Variants in PREX1 observed in about 807,000 individuals in gnomAD.
PREX1 encodes phosphatidylinositol-3,4,5-trisphosphate dependent Rac exchange factor 1, also known as phosphatidylinositol 3,4,5-trisphosphate-dependent Rac exchanger 1 protein.
In PREX1, 41 loss-of-function variants were observed where a neutral mutation model predicts 198.3. The ratio of observed to expected loss-of-function variants is 0.21; its 90% confidence interval spans 0.16 to 0.27. The LOEUF (loss-of-function observed/expected upper bound fraction) is 0.27. Ranked by LOEUF, PREX1 falls within the 10% of genes least tolerant of loss-of-function variation. PREX1 has a pLI of 1.00. For synonymous variants in PREX1, 843 were observed against 887.2 expected, an observed-to-expected ratio of 0.95 and a Z score of 0.89; for missense variants, 1,620 against 2,200.7, an observed-to-expected ratio of 0.74 and a Z score of 5.28.
intron 32 of PREX1, 149 bp downstream of exon 32, chr20:48,636,314 A>G: frequency 1.2e-6 from 1 of 822,542 alleles, no homozygotes; most frequent in Non-Finnish European, 1.9e-6. Flanking sequence ...GTGCCTATAA[A>G]ACAGCACACA....
chr20:48,861,483 G>T, the PREX1 span, among the ~76,000 whole-genome samples: 1 of 152,286 alleles, frequency 6.6e-6, no homozygotes, highest in African/African-American at 2.4e-5. Flanking sequence ...GTCTGGAAGG[G>T]TTCCCCCTTG....
At chr20:48,757,594 A>C (rs536626442) in intron 1 of PREX1, among the ~76,000 whole-genome samples, 1 of 152,240 alleles carries the variant, frequency 6.6e-6, no homozygotes, top group African/African-American at 2.4e-5. Flanking sequence ...AGTCGCTGAC[A>C]TGAGGATTAA....
Position 48,625,698 on chromosome 20 carries a change from C to G in PREX1, c.*187G>C. On this transcript the variant is annotated 3_prime_UTR_variant, in exon 40 of 40. Coordinates refer to ENST00000371941, the MANE Select transcript of PREX1 (RefSeq NM_020820.4). ...AATGGGCCGGCCCAGGGCCAATCAG[C>G]CAGCTCGTCATCACAGCGAGGGTGG... is the stretch of plus-strand genomic sequence containing the variant. 1.4e-6 allele frequency: 1 copy of G among 693,036 alleles called. No homozygotes were observed. The highest frequency in any genetic ancestry group is 2.2e-5 in the South Asian group (1 of 46,374). The allele number at this position is 693,036 out of a possible 1,614,324, so 42.9% of individuals were successfully genotyped here.
intron 15 of PREX1, among the ~76,000 whole-genome samples, chr20:48,664,829 C>A (rs1322493021): frequency 8.7e-5 from 13 of 148,758 alleles, no homozygotes; most frequent in African/African-American, 3.2e-4. Context: ...CTCCAGACGG[C>A]CTGAATTCTA....
intron 3 of PREX1, among the ~76,000 whole-genome samples, chr20:48,739,305 G>C (rs954900008): frequency 3.3e-5 from 5 of 152,208 alleles, no homozygotes; most frequent in African/African-American, 7.2e-5. Flanking sequence ...TGGGTTGCCA[G>C]ATATAAAATA....
At chr20:48,653,522 G>T in intron 19 of PREX1, 25 bp from the exon 20 acceptor site, 1 of 1,590,600 alleles carries the variant, frequency 6.3e-7, no homozygotes. Context: ...AGCACATGAG[G>T]CTGGATGCCA....
chr20:48,717,919 C>A (rs143670318), intron 5 of PREX1, among the ~76,000 whole-genome samples: 1 of 152,186 alleles, frequency 6.6e-6, no homozygotes, highest in African/African-American at 2.4e-5. Context: ...GTGATGAGAC[C>A]AAGCTAAATG....
intron 7 of PREX1, among the ~76,000 whole-genome samples, chr20:48,698,578 G>A (rs2089859007): frequency 6.6e-6 from 1 of 152,172 alleles, no homozygotes; most frequent in Non-Finnish European, 1.5e-5. Context: ...GAGATAGACA[G>A]ACCTCAAGGA....
At chr20:48,845,334 G>A in the PREX1 span, among the ~76,000 whole-genome samples, 2 of 152,166 alleles carry the variant, frequency 1.3e-5, no homozygotes, top group Non-Finnish European at 2.9e-5. Context: ...AGGTGATCAG[G>A]GGAGGCTTCC....
At chr20:48,749,340 G>A (rs903181938) in intron 1 of PREX1, among the ~76,000 whole-genome samples, 11 of 152,174 alleles carry the variant, frequency 7.2e-5, no homozygotes, top group Non-Finnish European at 1.3e-4. Flanking sequence ...CAGATTGGGG[G>A]TCCACACGGG....
Position 48,827,505 on chromosome 20 carries a change from C to A in PREX1, c.219+137G>T, listed in dbSNP as rs969794981. 2.2e-4 allele frequency: 135 copies of A among 607,254 alleles called. No homozygotes were observed. The highest frequency in any genetic ancestry group is 3.0e-4 in the Non-Finnish European group (125 of 423,572). 37.6% of individuals were successfully genotyped at this position (607,254 alleles called of 1,614,324 possible). The stretch of plus-strand genomic sequence containing the variant: ...CAGCTCTGGAGGAGCTCGGATCCCC[C>A]CCGCTTTCCGCGCGCCCTGCGGGGC... On this transcript the variant is annotated intron_variant, in intron 1 of 39. Transcript: ENST00000371941. The surrounding 1 kb of genome is among the most constrained non-coding windows in gnomAD (Gnocchi z 4.1).
the PREX1 span, among the ~76,000 whole-genome samples, chr20:48,888,100 A>G: frequency 1.3e-5 from 2 of 152,246 alleles, no homozygotes; most frequent in African/African-American, 4.8e-5. Context: ...TTGGACTTAC[A>G]GTTCCACATG....
chr20:48,765,912 C>T (rs1453973369), intron 1 of PREX1, among the ~76,000 whole-genome samples: 7 of 152,160 alleles, frequency 4.6e-5, no homozygotes, highest in Non-Finnish European at 8.8e-5. Context: ...CCCGCATGAC[C>T]ACCTGAGCTC....
chr20:48,840,766 T>C, the PREX1 span, among the ~76,000 whole-genome samples: 2 of 152,202 alleles, frequency 1.3e-5, no homozygotes, highest in African/African-American at 2.4e-5. Context: ...TGAGCTCCCA[T>C]AGCTGTTAAT....
At chr20:48,681,479 C>A in intron 10 of PREX1, 144 bp from the exon 11 acceptor site, 1 of 777,800 alleles carries the variant, frequency 1.3e-6, no homozygotes, top group Non-Finnish European at 2.3e-6. Context: ...TAGTCTATAG[C>A]CCTTGGGGTT....
Position 48,644,443 on chromosome 20 carries a change from G to A in PREX1, c.3567C>T (p.Asn1189=), listed in dbSNP as rs1485138052. 2.5e-6 allele frequency: 4 copies of A among 1,613,844 alleles called. No homozygotes were observed. The African/African-American group carries it at 4.0e-5, about 16-fold the overall frequency. The change falls in exon 27 of 40, where the codon AAC becomes AAT. Residue 1189 remains asparagine, a synonymous_variant. Transcript: ENST00000371941. Reference sequence around the variant, plus strand: ...TCTCGTCGCTGCCCAAGTAGGAGCTGTTACTTCTCACGCTGGTGTAGGACA... The same window carrying A: ...TCTCGTCGCTGCCCAAGTAGGAGCTATTACTTCTCACGCTGGTGTAGGACA... ...SVLSYTSVRS[N]SSYLGSDEMG...
At position 48,813,758 on chromosome 20, in the gene PREX1, A is replaced by C. The variant is rs201408084; in HGVS notation, c.219+13884T>G. ...ACATATTAAATTGCCCAGAAATACA[A>C]CATGTTTGGTTTTGTGCCTAGACTG... On this transcript the variant is annotated intron_variant, in intron 1 of 39. Coordinates refer to ENST00000371941, the MANE Select transcript of PREX1 (RefSeq NM_020820.4). Among the ~76,000 whole-genome samples, 27 of 152,316 alleles carry C rather than the reference A, an allele frequency of 1.8e-4. No individual in the cohort carries two copies. The East Asian group carries it at 4.6e-3, about 26-fold the overall frequency.
intron 36 of PREX1, among the ~76,000 whole-genome samples, chr20:48,630,352 G>T (rs1357807579): frequency 6.6e-6 from 1 of 152,216 alleles, no homozygotes; most frequent in Non-Finnish European, 1.5e-5. Flanking sequence ...AAAGCTGGAA[G>T]CCTCTGTTTT....
chr20:48,811,627 C>CA (rs1568650779), intron 1 of PREX1, among the ~76,000 whole-genome samples: 17 of 98,208 alleles, frequency 1.7e-4, no homozygotes, highest in African/African-American at 7.9e-4. Context: ...TACACACCCC[C>CA]CCACACACAC....
Sources: gnomAD v4.1 joint callset for allele counts (sites outside exome capture counted in the v4.1 genomes callset) on GRCh38, gnomAD v4.1.1 for gene constraint, Gnocchi (gnomAD v3.1) non-coding constraint, MANE v1.5 for transcripts, NCBI Gene and HGNC (gene_info 2026-07-23, HGNC 2026-07-21) for gene names.